Variants in CCDC141 observed in about 807,000 individuals in gnomAD.
The protein encoded by CCDC141 is coiled-coil domain containing 141, also known as coiled-coil domain-containing protein 141.
In CCDC141, 168 loss-of-function variants were observed where a neutral mutation model predicts 181.0. The observed-to-expected ratio is 0.93, with a 90% CI of 0.82 to 1.05. CCDC141 has a LOEUF of 1.05. Among genes scored for constraint, CCDC141 ranks in the 50% least tolerant of loss-of-function variants. The probability of loss-of-function intolerance (pLI) is 0.00; values close to 1 mark genes in which losing one functional copy is unlikely to be tolerated. For synonymous variants in CCDC141, 666 were observed against 642.3 expected (o/e 1.04, Z -0.56); for missense variants, 1,902 against 1,788.5 (o/e 1.06, Z -1.14).
chr2:178,857,128 ATTCT>A (rs1396069636), intron 17 of CCDC141, among the ~76,000 whole-genome samples: 1 of 151,954 alleles, frequency 6.6e-6, no homozygotes, highest in African/African-American at 2.4e-5. Context: ...TTTCCCATTC[ATTCT>A]GTTTTCGATA....
Position 178,998,017 on chromosome 2 carries a change from T to C in CCDC141, c.226-19342A>G, listed in dbSNP as rs981252197. Among the ~76,000 whole-genome samples, 64 of 152,298 alleles carry C rather than the reference T, an allele frequency of 4.2e-4. 1 individual carries two copies. The highest frequency in any genetic ancestry group is 1.2e-4 in the Non-Finnish European group (8 of 68,024). ...AACCATAAGGTATGGAAAGACAACT[T>C]CATATCTGAAAATGCACTTAAAAGC... is the stretch of plus-strand genomic sequence containing the variant. On this transcript the variant is annotated intron_variant, in intron 2 of 23. Coordinates refer to ENST00000443758, the MANE Select transcript of CCDC141 (RefSeq NM_173648.4).
intron 2 of CCDC141, among the ~76,000 whole-genome samples, chr2:179,045,601 T>A (rs1466166990): frequency 6.6e-6 from 1 of 151,718 alleles, no homozygotes; most frequent in Non-Finnish European, 1.5e-5. Context: ...ACTTCCACAA[T>A]GGTTGAACTA....
intron 2 of CCDC141, among the ~76,000 whole-genome samples, chr2:179,037,375 A>G (rs911052996): frequency 3.3e-5 from 5 of 152,226 alleles, no homozygotes; most frequent in African/African-American, 1.2e-4. Flanking sequence ...GCATTTAGAG[A>G]AAAACACTGC....
chr2:178,995,053 C>T (rs1426863811), intron 2 of CCDC141, among the ~76,000 whole-genome samples: 1 of 152,192 alleles, frequency 6.6e-6, no homozygotes, highest in Non-Finnish European at 1.5e-5. Context: ...CTGAGCCCTC[C>T]AAACGGTTCC....
chr2:178,941,100 C>T (rs1689491042), intron 6 of CCDC141, among the ~76,000 whole-genome samples: 1 of 152,178 alleles, frequency 6.6e-6, no homozygotes, highest in Non-Finnish European at 1.5e-5. Context: ...TAAGACAACT[C>T]TCCTTAGCCT....
chr2:178,984,381 T>C (rs1488472388), intron 2 of CCDC141, among the ~76,000 whole-genome samples: 11 of 150,598 alleles, frequency 7.3e-5, no homozygotes, highest in African/African-American at 2.7e-4. Context: ...GTAACGACCA[T>C]CGAGACTAGG....
At position 178,878,189 on chromosome 2, in the gene CCDC141, T is replaced by TA. The variant is rs772486043; in HGVS notation, c.1720-47dup. ...TTAAGAACACTTAAACACATTTTTT[T>TA]AAAGAAAAAGAACAGTAGATTCCAA... On this transcript the variant is annotated intron_variant, in intron 11 of 23. Coordinates refer to ENST00000443758, the MANE Select transcript of CCDC141 (RefSeq NM_173648.4). 1.0e-5 allele frequency: 14 copies of TA among 1,372,914 alleles called. No individual in the cohort carries two copies. In the East Asian group the frequency reaches 3.3e-4, roughly 33 times the overall value. The allele number at this position is 1,372,914 out of a possible 1,614,324, so 85.0% of individuals were successfully genotyped here.
chr2:178,869,102 C>T lies in CCDC141; in HGVS notation c.2394+15G>A, dbSNP rs773581034. 3 of 1,467,802 alleles carry T rather than the reference C, an allele frequency of 2.0e-6. No individual in the cohort carries two copies. Among genetic ancestry groups the T allele is most frequent in the Admixed American group, 2.5e-5 (1 of 40,334 alleles). 90.9% of individuals were successfully genotyped at this position (1,467,802 alleles called of 1,614,324 possible). Reference sequence around the variant, plus strand: ...TAAAACTCAGGATTTTTCAGACATCCCTTCTAAGCCTTACCTCTTCCTTGA... The same window carrying T: ...TAAAACTCAGGATTTTTCAGACATCTCTTCTAAGCCTTACCTCTTCCTTGA... On this transcript the variant is annotated intron_variant, in intron 15 of 23. Coordinates refer to ENST00000443758, the MANE Select transcript of CCDC141 (RefSeq NM_173648.4).
At chr2:178,939,019 T>C (rs372260985) in intron 6 of CCDC141, among the ~76,000 whole-genome samples, 4 of 152,264 alleles carry the variant, frequency 2.6e-5, no homozygotes, top group African/African-American at 9.6e-5. Flanking sequence ...TGGTTTTTTT[T>C]CTTTTGGTTC....
Position 178,944,547 on chromosome 2 carries a change from T to TA in CCDC141, c.884dup (p.Ile296AsnfsTer11), listed in dbSNP as rs754966846. On this transcript the variant is annotated frameshift_variant, in exon 6 of 24. Coordinates refer to ENST00000443758, the MANE Select transcript of CCDC141 (RefSeq NM_173648.4). LOFTEE classifies it high-confidence loss of function. ...ATATATCTCTTACCTTTGCTTTTATTATCAGTTCCTCTTGCTTATGAATTC... is the reference window on the plus strand; with the variant it reads ...ATATATCTCTTACCTTTGCTTTTATTAATCAGTTCCTCTTGCTTATGAATTC... The TA allele has an allele frequency of 4.6e-5, 69 of 1,488,910 alleles. No individual in the cohort carries two copies. The Middle Eastern group carries it at 5.3e-4, about 11-fold the overall frequency. 92.2% of individuals were successfully genotyped at this position (1,488,910 alleles called of 1,614,324 possible). A position where few individuals can be genotyped will look rare whatever the true frequency, so the allele number is the denominator to read the frequency against.
intron 5 of CCDC141, among the ~76,000 whole-genome samples, chr2:178,946,862 A>G (rs147623361): frequency 2.3e-4 from 35 of 152,350 alleles, no homozygotes; most frequent in African/African-American, 8.2e-4. Flanking sequence ...GATAATGTTC[A>G]GTGTATCCTG....
chr2:179,036,833 C>A (rs1053097422), intron 2 of CCDC141, among the ~76,000 whole-genome samples: 2 of 152,120 alleles, frequency 1.3e-5, no homozygotes, highest in Non-Finnish European at 2.9e-5. Flanking sequence ...CAGATCAATA[C>A]GTGTTTGAAT....
Position 178,855,377 on chromosome 2 carries a change from C to T in CCDC141, c.3030G>A (p.Leu1010=). The T allele has an allele frequency of 6.2e-7, 1 of 1,611,624 alleles. No individual in the cohort carries two copies. The highest frequency in any genetic ancestry group is 1.1e-5 in the South Asian group (1 of 90,270). Residue 1010 remains leucine, a synonymous_variant, in exon 19 of 24, where the codon CTG becomes CTA. Transcript: ENST00000443758. ...CTATCACCTCCTGGAAATGCTCAGT[C>T]AGGTCCAAATTCTTCTTGTAATCTG... ...VVTDYKKNLD[L]TEHFQEVIEE... is the part of the protein sequence containing the mutation.
chr2:178,903,006 G>A (rs77043021), intron 8 of CCDC141, among the ~76,000 whole-genome samples: 56,218 of 141,528 alleles, frequency 0.4, 11,456 homozygotes, highest in Middle Eastern at 0.48. Flanking sequence ...ACATGAAAAA[G>A]TGCTCACCAT....
At chr2:179,015,374 T>TACATATCCCATATATGTATC (rs1280024321) in intron 2 of CCDC141, among the ~76,000 whole-genome samples, 4 of 124,804 alleles carry the variant, frequency 3.2e-5, no homozygotes, top group African/African-American at 5.9e-5. Flanking sequence ...ATATGTATCA[T>TACATATCCCATATATGTATC]ATATATCTCA....
At chr2:179,047,026 G>GA (rs930533605) in intron 2 of CCDC141, among the ~76,000 whole-genome samples, 46 of 150,880 alleles carry the variant, frequency 3.0e-4, no homozygotes, top group South Asian at 1.3e-3. Flanking sequence ...AGGCAGCCAG[G>GA]AAAAAAAAAT....
chr2:178,970,931 C>T (rs559539035), intron 4 of CCDC141, among the ~76,000 whole-genome samples: 19 of 152,226 alleles, frequency 1.2e-4, no homozygotes, highest in Middle Eastern at 3.4e-3. Context: ...AGACAAAGGC[C>T]GGGCACAGTG....
intron 2 of CCDC141, among the ~76,000 whole-genome samples, chr2:178,999,168 C>T (rs1455157339): frequency 2.0e-5 from 3 of 152,070 alleles, no homozygotes; most frequent in Non-Finnish European, 4.4e-5. Context: ...CCACAACTAC[C>T]TCAAATTCAA....
At chr2:178,914,972 C>T (rs1376617523) in intron 7 of CCDC141, among the ~76,000 whole-genome samples, 1 of 151,936 alleles carries the variant, frequency 6.6e-6, no homozygotes. Flanking sequence ...CCCTTGAGCC[C>T]AGGAGCTCAA....
Sources: gnomAD v4.1 joint callset for allele counts (sites outside exome capture counted in the v4.1 genomes callset) on GRCh38, gnomAD v4.1.1 for gene constraint, MANE v1.5 for transcripts, NCBI Gene and HGNC (gene_info 2026-07-23, HGNC 2026-07-21) for gene names.